The following DLG2 variants were observed in gnomAD, a reference collection of about 807,000 sequenced individuals.
DLG2 encodes the protein discs large MAGUK scaffold protein 2, also known as disks large homolog 2.
DLG2 carries 45 observed loss-of-function variants against 132.5 expected under a neutral mutation model. That is an observed-to-expected ratio of 0.34 (90% CI 0.27 to 0.44). The LOEUF is 0.44. Ranked by LOEUF, DLG2 falls within the 20% of genes least tolerant of loss-of-function variation. The probability of loss-of-function intolerance (pLI) is 1.00; values close to 1 mark genes in which losing one functional copy is unlikely to be tolerated. For missense variants in DLG2, 1,045 were observed against 1,196.9 expected, an observed-to-expected ratio of 0.87 and a Z score of 1.87; for synonymous variants, 424 against 419.6, an observed-to-expected ratio of 1.01 and a Z score of -0.13.
At chr11:84,677,444 T>C (rs1216826028) in intron 6 of DLG2, among the ~76,000 whole-genome samples, 1 of 152,064 alleles carries the variant, frequency 6.6e-6, no homozygotes, top group Non-Finnish European at 1.5e-5. Context: ...AAACCATATT[T>C]CTCTAGTGAC....
chr11:84,370,234 G>T (rs186029398), intron 7 of DLG2, among the ~76,000 whole-genome samples: 4 of 152,192 alleles, frequency 2.6e-5, no homozygotes, highest in Admixed American at 2.6e-4. Flanking sequence ...TCACCTAAAA[G>T]TGGTATAGGG....
chr11:85,407,174 T>G (rs781408542), intron 3 of DLG2, among the ~76,000 whole-genome samples: 64 of 151,872 alleles, frequency 4.2e-4, no homozygotes, highest in Non-Finnish European at 7.4e-4. Context: ...TCATGTATGA[T>G]GTTTCAGGCC....
intron 19 of DLG2, among the ~76,000 whole-genome samples, chr11:83,559,676 T>TA (rs2096577643): frequency 6.6e-6 from 1 of 152,244 alleles, no homozygotes; most frequent in African/African-American, 2.4e-5. Flanking sequence ...GCTATATCCA[T>TA]GAGCCTATAG....
At chr11:84,367,079 G>A (rs957816809) in intron 7 of DLG2, among the ~76,000 whole-genome samples, 1 of 152,034 alleles carries the variant, frequency 6.6e-6, no homozygotes, top group African/African-American at 2.4e-5. Context: ...GCTCTCCTCA[G>A]CAAATGTAAA....
At chr11:85,155,426 T>C (rs1019920839) in intron 4 of DLG2, among the ~76,000 whole-genome samples, 2 of 152,046 alleles carry the variant, frequency 1.3e-5, no homozygotes, top group Non-Finnish European at 2.9e-5. Context: ...TTCTTGAGAG[T>C]GACAAGGATG....
chr11:83,461,106 T>C (rs1404685095), intron 27 of DLG2, among the ~76,000 whole-genome samples: 1 of 151,222 alleles, frequency 6.6e-6, no homozygotes, highest in Non-Finnish European at 1.5e-5. Flanking sequence ...CCTCCTGGGT[T>C]CAAGTGATTC....
At chr11:85,621,729 T>C (rs1347068014) in intron 2 of DLG2, among the ~76,000 whole-genome samples, 2 of 152,006 alleles carry the variant, frequency 1.3e-5, no homozygotes, top group Admixed American at 6.6e-5. Flanking sequence ...GAATGAGGAG[T>C]TGCTTCTTAT....
At chr11:83,671,337 A>G (rs1156622360) in intron 18 of DLG2, among the ~76,000 whole-genome samples, 2 of 152,212 alleles carry the variant, frequency 1.3e-5, no homozygotes, top group Admixed American at 1.3e-4. Flanking sequence ...GGGGAAATCA[A>G]CGTGAACCCA....
At chr11:83,551,579 T>A (rs745475462) in intron 19 of DLG2, among the ~76,000 whole-genome samples, 1 of 152,098 alleles carries the variant, frequency 6.6e-6, no homozygotes, top group Non-Finnish European at 1.5e-5. Context: ...GCCCCAATAC[T>A]GAGTTTGTTA....
chr11:85,490,876 A>T (rs1597865727), intron 3 of DLG2, among the ~76,000 whole-genome samples: 1 of 152,120 alleles, frequency 6.6e-6, no homozygotes, highest in Non-Finnish European at 1.5e-5. Context: ...TCCTCCTGAA[A>T]CTTTTCAAAA....
intron 3 of DLG2, among the ~76,000 whole-genome samples, chr11:85,355,349 A>G (rs536343034): frequency 6.6e-6 from 1 of 152,210 alleles, no homozygotes; most frequent in African/African-American, 2.4e-5. Flanking sequence ...TTTCTGGATT[A>G]TTATCCATTA....
chr11:85,406,386 G>A (rs968398129), intron 3 of DLG2, among the ~76,000 whole-genome samples: 2 of 151,730 alleles, frequency 1.3e-5, no homozygotes, highest in African/African-American at 4.8e-5. Flanking sequence ...GGGAAGTGGA[G>A]GAAATTCTGA....
intron 7 of DLG2, among the ~76,000 whole-genome samples, chr11:84,520,672 G>A (rs1181603413): frequency 6.6e-6 from 1 of 152,098 alleles, no homozygotes; most frequent in East Asian, 1.9e-4. Flanking sequence ...TCTAGAAAGT[G>A]GGAATGAGAA....
chr11:84,517,508 G>A (rs2099277417), intron 7 of DLG2, among the ~76,000 whole-genome samples: 1 of 151,898 alleles, frequency 6.6e-6, no homozygotes, highest in African/African-American at 2.4e-5. Flanking sequence ...ACGCTGGCAA[G>A]GATGTGGAAA....
At chr11:84,487,108 C>A (rs1022806303) in intron 7 of DLG2, among the ~76,000 whole-genome samples, 21 of 151,990 alleles carry the variant, frequency 1.4e-4, no homozygotes, top group African/African-American at 5.1e-4. Context: ...GCTTAGGCAA[C>A]CAAAAACCAA....
chr11:83,741,384 T>C (rs918360798), intron 18 of DLG2, among the ~76,000 whole-genome samples: 15 of 152,174 alleles, frequency 9.9e-5, no homozygotes, highest in African/African-American at 3.4e-4. Flanking sequence ...GCTGATGATA[T>C]GATTCTATAC....
At chr11:84,695,657 C>T (rs562635401) in intron 6 of DLG2, among the ~76,000 whole-genome samples, 9 of 151,624 alleles carry the variant, frequency 5.9e-5, no homozygotes, top group East Asian at 1.9e-4. Flanking sequence ...GCTATAATTA[C>T]AACAGAGTAC....
At chr11:84,357,581 T>C (rs2098623869) in intron 7 of DLG2, among the ~76,000 whole-genome samples, 1 of 152,010 alleles carries the variant, frequency 6.6e-6, no homozygotes, top group Admixed American at 6.6e-5. Flanking sequence ...GGATTACTTG[T>C]TGAATGAACA....
At chr11:84,265,728 C>A (rs2097616995) in intron 7 of DLG2, among the ~76,000 whole-genome samples, 2 of 152,140 alleles carry the variant, frequency 1.3e-5, no homozygotes, top group South Asian at 4.1e-4. Context: ...GTCTTAGCAG[C>A]AGCAGCAGCA....
Sources: allele counts gnomAD v4.1 joint callset (sites outside exome capture counted in the v4.1 genomes callset), GRCh38; gene constraint gnomAD v4.1.1; transcripts MANE v1.5; gene names NCBI Gene and HGNC (gene_info 2026-07-23, HGNC 2026-07-21).